Variants in PCCA observed in about 807,000 individuals in gnomAD.
The protein encoded by PCCA is propionyl-CoA carboxylase alpha chain, mitochondrial.
In PCCA, 74 loss-of-function variants were observed where a neutral mutation model predicts 101.3. The ratio of observed to expected loss-of-function variants is 0.73; its 90% confidence interval spans 0.61 to 0.89. The LOEUF is 0.89. PCCA is among the 40% of genes least tolerant of loss of function. The pLI is 0.00. For missense variants in PCCA, 891 were observed against 907.0 expected, an observed-to-expected ratio of 0.98 and a Z score of 0.23; for synonymous variants, 294 against 313.6, an observed-to-expected ratio of 0.94 and a Z score of 0.66.
At chr13:100,319,516 G>A (rs1741965819) in intron 16 of PCCA, among the ~76,000 whole-genome samples, 1 of 152,088 alleles carries the variant, frequency 6.6e-6, no homozygotes, top group Admixed American at 6.6e-5. Context: ...TTTTGTATAA[G>A]GTGTAAGGAA....
At chr13:100,099,419 G>A (rs942702873) in intron 1 of PCCA, among the ~76,000 whole-genome samples, 22 of 149,000 alleles carry the variant, frequency 1.5e-4, no homozygotes, top group African/African-American at 5.0e-4. Flanking sequence ...CCGGGTTCAC[G>A]CCATTCTCCC....
At chr13:100,263,870 C>T (rs1196199156) in intron 10 of PCCA, among the ~76,000 whole-genome samples, 12 of 142,372 alleles carry the variant, frequency 8.4e-5, no homozygotes, top group African/African-American at 2.6e-4. Flanking sequence ...ATCTGTATAT[C>T]GTATATATAT....
At chr13:100,173,871 A>G (rs890332717) in intron 6 of PCCA, among the ~76,000 whole-genome samples, 3 of 152,200 alleles carry the variant, frequency 2.0e-5, no homozygotes, top group African/African-American at 7.2e-5. Flanking sequence ...TATAAATGGC[A>G]GTTCCCCTGC....
At chr13:100,360,854 C>A (rs970776721) in intron 18 of PCCA, among the ~76,000 whole-genome samples, 2 of 152,150 alleles carry the variant, frequency 1.3e-5, no homozygotes, top group Non-Finnish European at 2.9e-5. Flanking sequence ...AAAACCTGCA[C>A]GTGAATGCTT....
intron 8 of PCCA, among the ~76,000 whole-genome samples, chr13:100,238,664 T>A (rs1396386811): frequency 6.6e-6 from 1 of 152,194 alleles, no homozygotes; most frequent in Non-Finnish European, 1.5e-5. Flanking sequence ...GAAAATCTCT[T>A]CTGAATCACC....
intron 21 of PCCA, among the ~76,000 whole-genome samples, chr13:100,476,719 A>G (rs906001013): frequency 6.6e-6 from 1 of 152,236 alleles, no homozygotes; most frequent in African/African-American, 2.4e-5. Context: ...AGTGGCAACC[A>G]GCTGGTGTAC....
intron 8 of PCCA, among the ~76,000 whole-genome samples, chr13:100,253,354 G>A (rs1326956096): frequency 6.6e-6 from 1 of 152,162 alleles, no homozygotes; most frequent in African/African-American, 2.4e-5. Flanking sequence ...GGAGTTTTCT[G>A]AATCGTTGGC....
At chr13:100,167,769 T>A (rs1025954031) in intron 6 of PCCA, among the ~76,000 whole-genome samples, 2 of 152,158 alleles carry the variant, frequency 1.3e-5, no homozygotes, top group Non-Finnish European at 2.9e-5. Flanking sequence ...GAAGAGGTTA[T>A]CCCTTCCTCT....
intron 19 of PCCA, among the ~76,000 whole-genome samples, chr13:100,390,098 G>A (rs574054213): frequency 6.5e-4 from 99 of 152,286 alleles, no homozygotes; most frequent in Non-Finnish European, 6.9e-4. Flanking sequence ...AGAATTAACC[G>A]TGCATTTATT....
intron 4 of PCCA, among the ~76,000 whole-genome samples, chr13:100,137,390 C>T (rs745524761): frequency 1.6e-4 from 24 of 152,180 alleles, no homozygotes; most frequent in African/African-American, 1.9e-4. Flanking sequence ...TGTCCAGTTC[C>T]TCTATATCCA....
chr13:100,379,379 G>A (rs1205449502), intron 19 of PCCA, among the ~76,000 whole-genome samples: 1 of 152,156 alleles, frequency 6.6e-6, no homozygotes, highest in African/African-American at 2.4e-5. Context: ...TGCTGACACT[G>A]ATGTTAGTGG....
At chr13:100,500,605 G>A (rs1207452102) in intron 21 of PCCA, among the ~76,000 whole-genome samples, 1 of 152,150 alleles carries the variant, frequency 6.6e-6, no homozygotes, top group Admixed American at 6.5e-5. Flanking sequence ...AGAAGATAGT[G>A]AGCACGGTGG....
intron 22 of PCCA, among the ~76,000 whole-genome samples, chr13:100,520,493 GGC>G (rs2087158562): frequency 1.3e-5 from 2 of 152,042 alleles, no homozygotes; most frequent in East Asian, 1.9e-4. Context: ...AAATTAGCCG[GGC>G]GCAGTGGCGG....
At chr13:100,110,651 T>G (rs2048227528) in intron 2 of PCCA, among the ~76,000 whole-genome samples, 1 of 152,200 alleles carries the variant, frequency 6.6e-6, no homozygotes, top group Non-Finnish European at 1.5e-5. Flanking sequence ...CTATTCTGAG[T>G]TACTGAAAAT....
At chr13:100,125,128 C>T (rs1443294110) in intron 4 of PCCA, among the ~76,000 whole-genome samples, 1 of 83,694 alleles carries the variant, frequency 1.2e-5, no homozygotes, top group African/African-American at 5.7e-5. Context: ...ATCAGGTGAC[C>T]TTTTATTTGT....
intron 16 of PCCA, among the ~76,000 whole-genome samples, chr13:100,329,718 C>T (rs2069258206): frequency 6.6e-6 from 1 of 152,078 alleles, no homozygotes; most frequent in Non-Finnish European, 1.5e-5. Context: ...TGACAACCAG[C>T]GATGATCAGC....
chr13:100,499,251 G>A (rs1387775556), intron 21 of PCCA, among the ~76,000 whole-genome samples: 2 of 152,166 alleles, frequency 1.3e-5, no homozygotes, highest in Admixed American at 6.5e-5. Context: ...GTCAGCATCC[G>A]CGCTCACATA....
intron 19 of PCCA, among the ~76,000 whole-genome samples, chr13:100,393,057 A>T (rs2076880521): frequency 6.6e-6 from 1 of 151,972 alleles, no homozygotes; most frequent in Non-Finnish European, 1.5e-5. Flanking sequence ...GAATGTTAGC[A>T]ACCATCTGGA....
intron 21 of PCCA, among the ~76,000 whole-genome samples, chr13:100,509,285 A>G (rs1451372716): frequency 6.6e-6 from 1 of 152,198 alleles, no homozygotes; most frequent in Non-Finnish European, 1.5e-5. Context: ...TAACAGTGCT[A>G]ATTACTAAGC....
Sources: allele counts gnomAD v4.1 joint callset (sites outside exome capture counted in the v4.1 genomes callset), GRCh38; gene constraint gnomAD v4.1.1; transcripts MANE v1.5; gene names NCBI Gene and HGNC (gene_info 2026-07-23, HGNC 2026-07-21).